Variants in DCC observed in about 807,000 individuals in gnomAD.
The protein encoded by DCC is DCC netrin 1 receptor.
In DCC, 58 loss-of-function variants were observed where a neutral mutation model predicts 172.5. The ratio of observed to expected loss-of-function variants is 0.34; its 90% CI spans 0.27 to 0.42. DCC has a LOEUF of 0.42. Ranked by LOEUF, DCC falls within the 10% of genes least tolerant of loss-of-function variation. The pLI, the probability that DCC is intolerant of heterozygous loss-of-function variation, is 1.00. For synonymous variants in DCC, 709 were observed against 644.5 expected (o/e 1.10, Z -1.52); for missense variants, 1,740 against 1,791.0 (o/e 0.97, Z 0.51).
intron 1 of DCC, among the ~76,000 whole-genome samples, chr18:52,591,281 TTAC>T (rs1432668531): frequency 6.6e-6 from 1 of 152,118 alleles, no homozygotes; most frequent in Non-Finnish European, 1.5e-5. Context: ...TAAGTAATCT[TTAC>T]TACAATTAAA....
intron 1 of DCC, among the ~76,000 whole-genome samples, chr18:52,480,836 A>C (rs1273555020): frequency 6.6e-6 from 1 of 152,094 alleles, no homozygotes; most frequent in Non-Finnish European, 1.5e-5. Context: ...TGAGATTTGA[A>C]TATACCCCCC....
intron 18 of DCC, among the ~76,000 whole-genome samples, chr18:53,399,974 A>C (rs2145030536): frequency 1.3e-5 from 2 of 152,234 alleles, no homozygotes; most frequent in East Asian, 3.9e-4. Flanking sequence ...CCAAGATATT[A>C]ATTAAGGGTT....
chr18:53,272,505 C>T (rs1245545141), intron 12 of DCC, among the ~76,000 whole-genome samples: 4 of 152,094 alleles, frequency 2.6e-5, no homozygotes, highest in African/African-American at 9.7e-5. Context: ...TGCTAGCTAT[C>T]ATTACAAAAT....
chr18:52,475,622 G>A (rs1368023939), intron 1 of DCC, among the ~76,000 whole-genome samples: 1 of 152,076 alleles, frequency 6.6e-6, no homozygotes, highest in Non-Finnish European at 1.5e-5. Context: ...GACAGAAAGG[G>A]TTTTTGCCAT....
intron 1 of DCC, among the ~76,000 whole-genome samples, chr18:52,416,031 C>T (rs1484870095): frequency 2.6e-5 from 4 of 152,166 alleles, no homozygotes; most frequent in Non-Finnish European, 4.4e-5. Flanking sequence ...TTTCCCTCTA[C>T]ACACTGCTTT....
chr18:52,424,091 T>G (rs1037450349), intron 1 of DCC, among the ~76,000 whole-genome samples: 3 of 152,158 alleles, frequency 2.0e-5, no homozygotes, highest in Non-Finnish European at 4.4e-5. Flanking sequence ...TCTATGTGTA[T>G]GAAAATTGGT....
intron 1 of DCC, among the ~76,000 whole-genome samples, chr18:52,479,999 G>A (rs1470037485): frequency 2.0e-5 from 3 of 152,054 alleles, no homozygotes; most frequent in African/African-American, 7.2e-5. Flanking sequence ...TCAATTCTAT[G>A]TAATGCCCTC....
intron 2 of DCC, among the ~76,000 whole-genome samples, chr18:52,853,829 A>T (rs900642205): frequency 6.6e-6 from 1 of 152,196 alleles, no homozygotes; most frequent in African/African-American, 2.4e-5. Flanking sequence ...GATGAGCAAG[A>T]TGTCGCAGAC....
At chr18:53,511,628 C>G (rs943873750) in intron 27 of DCC, among the ~76,000 whole-genome samples, 2 of 152,166 alleles carry the variant, frequency 1.3e-5, no homozygotes, top group South Asian at 4.1e-4. Flanking sequence ...CAAAGCAGGG[C>G]GAGGCATTGC....
At chr18:52,466,910 T>C (rs1988800329) in intron 1 of DCC, among the ~76,000 whole-genome samples, 1 of 152,146 alleles carries the variant, frequency 6.6e-6, no homozygotes, top group Non-Finnish European at 1.5e-5. Context: ...GATGAGCAAA[T>C]CATAACCAAC....
At chr18:53,300,041 T>C (rs892777550) in intron 12 of DCC, among the ~76,000 whole-genome samples, 3 of 152,170 alleles carry the variant, frequency 2.0e-5, no homozygotes, top group Non-Finnish European at 2.9e-5. Context: ...TAAAGAATAG[T>C]GGAAACAAAG....
intron 2 of DCC, among the ~76,000 whole-genome samples, chr18:52,894,234 C>T (rs1159963363): frequency 1.3e-5 from 2 of 152,068 alleles, no homozygotes; most frequent in Admixed American, 6.6e-5. Flanking sequence ...TCACAGTGCG[C>T]TATGCTATAT....
chr18:52,566,488 G>A (rs901385784), intron 1 of DCC, among the ~76,000 whole-genome samples: 1 of 152,066 alleles, frequency 6.6e-6, no homozygotes, highest in African/African-American at 2.4e-5. Flanking sequence ...TGCACGTTCT[G>A]CACATGTATT....
chr18:53,056,233 G>C (rs1442034843), intron 5 of DCC, among the ~76,000 whole-genome samples: 11 of 152,088 alleles, frequency 7.2e-5, no homozygotes, highest in Non-Finnish European at 1.6e-4. Flanking sequence ...AAAGCGGCAG[G>C]AGACAGGAAG....
At chr18:53,299,027 C>T (rs531537030) in intron 12 of DCC, among the ~76,000 whole-genome samples, 1 of 152,286 alleles carries the variant, frequency 6.6e-6, no homozygotes, top group East Asian at 1.9e-4. Context: ...CACCACTCAC[C>T]ACTAAGATGA....
At chr18:53,529,139 T>TA (rs2046497472) in intron 28 of DCC, among the ~76,000 whole-genome samples, 1 of 150,934 alleles carries the variant, frequency 6.6e-6, no homozygotes, top group African/African-American at 2.4e-5. Flanking sequence ...AGTCCTCTAT[T>TA]AAGCCCTGAA....
At chr18:53,063,986 A>C (rs2042533444) in intron 6 of DCC, among the ~76,000 whole-genome samples, 1 of 152,168 alleles carries the variant, frequency 6.6e-6, no homozygotes, top group African/African-American at 2.4e-5. Context: ...TAATGAGGAC[A>C]GTGGGTGCTG....
chr18:52,494,038 G>T (rs1264119993), intron 1 of DCC, among the ~76,000 whole-genome samples: 2 of 151,874 alleles, frequency 1.3e-5, no homozygotes, highest in African/African-American at 2.4e-5. Flanking sequence ...AAATTCTCTT[G>T]CTTTCTGTTT....
At chr18:53,109,815 A>G (rs2043304300) in intron 7 of DCC, among the ~76,000 whole-genome samples, 1 of 151,544 alleles carries the variant, frequency 6.6e-6, no homozygotes, top group Non-Finnish European at 1.5e-5. Flanking sequence ...AGTAGTTCTC[A>G]ATGGAAAGGT....
Sources: gnomAD v4.1 joint callset for allele counts (sites outside exome capture counted in the v4.1 genomes callset) on GRCh38, gnomAD v4.1.1 for gene constraint, MANE v1.5 for transcripts, NCBI Gene and HGNC (gene_info 2026-07-23, HGNC 2026-07-21) for gene names.